Variants in HTR7 observed in about 807,000 individuals in gnomAD.
HTR7 encodes the protein 5-HT-7.
HTR7 carries 16 observed loss-of-function variants against 34.0 expected under a neutral mutation model. The ratio of observed to expected loss-of-function variants is 0.47; its 90% CI spans 0.32 to 0.71. HTR7 has a LOEUF of 0.71. HTR7 is among the 30% of genes least tolerant of loss of function. HTR7 has a pLI of 0.04. For missense variants in HTR7, 504 were observed against 625.5 expected (o/e 0.81, Z 2.07); for synonymous variants, 265 against 260.2 (o/e 1.02, Z -0.18).
chr10:90,765,524 A>C (rs1479001296), intron 1 of HTR7, among the ~76,000 whole-genome samples: 2 of 143,704 alleles, frequency 1.4e-5, no homozygotes, highest in Non-Finnish European at 3.1e-5. Flanking sequence ...AGTCTATTTC[A>C]TTTTTTTTTT....
At chr10:90,748,429 C>T (rs1029976362) in intron 2 of HTR7, among the ~76,000 whole-genome samples, 3 of 152,172 alleles carry the variant, frequency 2.0e-5, no homozygotes, top group African/African-American at 7.2e-5. Context: ...TGCCTCCTAC[C>T]TCAAAAGAAG....
At chr10:90,813,643 C>A (rs1175726088) in intron 1 of HTR7, among the ~76,000 whole-genome samples, 1 of 152,142 alleles carries the variant, frequency 6.6e-6, no homozygotes, top group Admixed American at 6.5e-5. Context: ...CCTGTAAAAT[C>A]AAGCTGCAGA....
intron 1 of HTR7, among the ~76,000 whole-genome samples, chr10:90,831,556 T>C (rs1042820091): frequency 1.3e-5 from 2 of 152,156 alleles, no homozygotes; most frequent in Admixed American, 6.5e-5. Flanking sequence ...TTCCAAACTG[T>C]GGAAAGGGAC....
intron 1 of HTR7, among the ~76,000 whole-genome samples, chr10:90,763,080 CT>C (rs1844965675): frequency 6.6e-6 from 1 of 152,078 alleles, no homozygotes; most frequent in Non-Finnish European, 1.5e-5. Flanking sequence ...ATGCCTCGAG[CT>C]TTATTCTTCT....
chr10:90,821,229 C>T (rs1319423652), intron 1 of HTR7, among the ~76,000 whole-genome samples: 1 of 152,080 alleles, frequency 6.6e-6, no homozygotes, highest in African/African-American at 2.4e-5. Context: ...CTGAAAGAGG[C>T]ACTGAAGAGG....
At chr10:90,805,710 A>G (rs1338870474) in intron 1 of HTR7, among the ~76,000 whole-genome samples, 1 of 152,224 alleles carries the variant, frequency 6.6e-6, no homozygotes, top group East Asian at 1.9e-4. Context: ...GAAAAATCTT[A>G]TAACTCTGTA....
intron 1 of HTR7, among the ~76,000 whole-genome samples, chr10:90,852,022 G>A (rs1356388256): frequency 1.3e-5 from 2 of 151,966 alleles, no homozygotes; most frequent in African/African-American, 2.4e-5. Context: ...TCTTGGGTAC[G>A]TCTTTATTAG....
intron 1 of HTR7, among the ~76,000 whole-genome samples, chr10:90,772,396 A>G (rs918738944): frequency 2.0e-5 from 3 of 152,214 alleles, no homozygotes; most frequent in African/African-American, 4.8e-5. Context: ...AGGAAATAAA[A>G]AATTTATCAA....
intron 1 of HTR7, among the ~76,000 whole-genome samples, chr10:90,840,935 T>C (rs1015031464): frequency 6.6e-6 from 1 of 152,228 alleles, no homozygotes; most frequent in African/African-American, 2.4e-5. Flanking sequence ...AGTATTCATC[T>C]TTAACTTGTT....
At chr10:90,838,934 C>T (rs1471754022) in intron 1 of HTR7, among the ~76,000 whole-genome samples, 1 of 152,170 alleles carries the variant, frequency 6.6e-6, no homozygotes, top group Non-Finnish European at 1.5e-5. Flanking sequence ...TGTTTCTTAT[C>T]TACCTGTTTA....
At chr10:90,801,737 T>A (rs1478727754) in intron 1 of HTR7, among the ~76,000 whole-genome samples, 1 of 152,196 alleles carries the variant, frequency 6.6e-6, no homozygotes, top group Non-Finnish European at 1.5e-5. Context: ...CTCAGGAAAC[T>A]TACAAGCCAG....
rs138362038 is a variant in HTR7 at position 90,807,619 on chromosome 10, A to G, written c.539+49514T>C. Among the ~76,000 whole-genome samples, 575 of 151,964 alleles carry G rather than the reference A, an allele frequency of 3.8e-3. 3 individuals carry two copies. The highest frequency in any genetic ancestry group is 0.01 in the Middle Eastern group (3 of 294). ...TACCCAAATATTATAAAACGGCCCC[A>G]CCCCTATCTCCCTTTGCTGACTCTC... On this transcript the variant is annotated intron_variant, in intron 1 of 3. Transcript: ENST00000336152.
rs531864159 is a variant in HTR7, at chr10:90,787,274, G to A, written c.540-37680C>T. ...GGAGGCCAAGGTGGGTGGATCACAA[G>A]GTCAGGAGTTCAAGACCATCCTGGG... On this transcript the variant is annotated intron_variant, in intron 1 of 3. Coordinates refer to ENST00000336152, the MANE Select transcript of HTR7 (RefSeq NM_019859.4). Among the ~76,000 whole-genome samples the A allele has an allele frequency of 1.4e-4, 21 of 152,264 alleles. No homozygotes were observed. The East Asian group carries it at 4.1e-3, about 29-fold the overall frequency.
chr10:90,814,428 C>T (rs192802828), intron 1 of HTR7, among the ~76,000 whole-genome samples: 189 of 152,198 alleles, frequency 1.2e-3, no homozygotes, highest in African/African-American at 4.4e-3. Context: ...CACGAGAAGC[C>T]GTAGCAAATT....
rs1846627319 is a variant in HTR7, at chr10:90,858,007, G to A, written c.-336C>T. Among the ~76,000 whole-genome samples the A allele has an allele frequency of 6.7e-6, 1 of 149,998 alleles. No individual in the cohort carries two copies. Among genetic ancestry groups the A allele is most frequent in the African/African-American group, 2.4e-5 (1 of 41,122 alleles). On this transcript the variant is annotated 5_prime_UTR_variant, in exon 1 of 4. Coordinates refer to ENST00000336152, the MANE Select transcript of HTR7 (RefSeq NM_019859.4). ...GCAGCAGCTCGGCTGCGCCGAGAGC[G>A]CCCGGGCGGCAGCGGCAGAAGTTGC...
At chr10:90,784,670 A>G (rs1845355739) in intron 1 of HTR7, among the ~76,000 whole-genome samples, 2 of 152,238 alleles carry the variant, frequency 1.3e-5, no homozygotes, top group Non-Finnish European at 2.9e-5. Context: ...GGTTTGCTTA[A>G]GGAATGGGGA....
Position 90,826,632 on chromosome 10 carries a change from C to T in HTR7, c.539+30501G>A, listed in dbSNP as rs190434307. 1.2e-4 allele frequency among the ~76,000 whole-genome samples: 19 copies of T among 152,128 alleles called. 1 individual carries two copies. Among genetic ancestry groups the T allele is most frequent in the African/African-American group, 3.6e-4 (15 of 41,494 alleles). ...AGTGTAGAGTTTTTATTACTTATTG[C>T]TTGTTTATGCAATCAGTGTTAAGTT... On this transcript the variant is annotated intron_variant, in intron 1 of 3. Transcript: ENST00000336152.
At chr10:90,809,149 C>G (rs888010067) in intron 1 of HTR7, among the ~76,000 whole-genome samples, 1 of 152,176 alleles carries the variant, frequency 6.6e-6, no homozygotes, top group Non-Finnish European at 1.5e-5. Context: ...TCCTCAGCCC[C>G]CTCTTCTCCA....
intron 1 of HTR7, among the ~76,000 whole-genome samples, chr10:90,753,706 A>G (rs938507963): frequency 6.6e-6 from 1 of 152,042 alleles, no homozygotes; most frequent in Non-Finnish European, 1.5e-5. Flanking sequence ...ATGCAATCTA[A>G]GTATTATCAA....
Sources: allele counts gnomAD v4.1 joint callset (sites outside exome capture counted in the v4.1 genomes callset), GRCh38; gene constraint gnomAD v4.1.1; transcripts MANE v1.5; gene names NCBI Gene and HGNC (gene_info 2026-07-23, HGNC 2026-07-21).